The following SLC8A1 variants were observed in gnomAD, a reference collection of about 807,000 sequenced individuals.
The protein encoded by SLC8A1 is solute carrier family 8 member A1, also known as sodium/calcium exchanger 1.
SLC8A1 carries 18 observed loss-of-function variants against 68.3 expected under a neutral mutation model. That is an observed-to-expected ratio of 0.26 (90% CI 0.18 to 0.39). The LOEUF (loss-of-function observed/expected upper bound fraction) is 0.39, where lower values mean the gene tolerates loss of function less well. Ranked by LOEUF, SLC8A1 falls within the 10% of genes least tolerant of loss-of-function variation. The pLI is 1.00. For missense variants in SLC8A1, 985 were observed against 1,156.7 expected (o/e 0.85, Z 2.15); for synonymous variants, 475 against 415.5 (o/e 1.14, Z -1.74).
intron 2 of SLC8A1, among the ~76,000 whole-genome samples, chr2:40,192,991 A>G (rs1217744616): frequency 6.6e-6 from 1 of 152,114 alleles, no homozygotes; most frequent in Non-Finnish European, 1.5e-5. Flanking sequence ...AGCATTAAGT[A>G]TGTGTGCATT....
chr2:40,202,835 G>C (rs926840829), intron 2 of SLC8A1, among the ~76,000 whole-genome samples: 1 of 152,010 alleles, frequency 6.6e-6, no homozygotes, highest in Non-Finnish European at 1.5e-5. Context: ...GCAAGCATGT[G>C]TTCATAGCTA....
chr2:40,299,514 C>T (rs897113095), intron 2 of SLC8A1, among the ~76,000 whole-genome samples: 3 of 140,124 alleles, frequency 2.1e-5, no homozygotes, highest in Admixed American at 7.2e-5. Flanking sequence ...CTGGATGTGA[C>T]GTTAGGAAGG....
intron 1 of SLC8A1, among the ~76,000 whole-genome samples, chr2:40,485,610 T>G (rs1040198441): frequency 1.4e-4 from 22 of 152,272 alleles, no homozygotes; most frequent in Middle Eastern, 3.4e-3. Context: ...ATCATTGTGG[T>G]CATTTTGCTC....
intron 2 of SLC8A1, among the ~76,000 whole-genome samples, chr2:40,178,854 G>C (rs1040067111): frequency 1.3e-5 from 2 of 152,148 alleles, no homozygotes; most frequent in African/African-American, 4.8e-5. Flanking sequence ...GATTGTCTAA[G>C]CTATGCCCTG....
At chr2:40,456,622 T>C (rs187705526), upstream of SLC8A1, among the ~76,000 whole-genome samples, 21 of 152,336 alleles carry the variant, frequency 1.4e-4, no homozygotes, top group East Asian at 2.3e-3. Flanking sequence ...TTGGAAAACA[T>C]GGATCATAAA....
intron 2 of SLC8A1, among the ~76,000 whole-genome samples, chr2:40,358,079 G>A (rs1053617778): frequency 6.7e-6 from 1 of 149,692 alleles, no homozygotes; most frequent in African/African-American, 2.5e-5. Context: ...AAAGGTGGCG[G>A]TGCTGGTGGT....
chr2:40,333,662 A>G (rs1222358551), intron 2 of SLC8A1, among the ~76,000 whole-genome samples: 1 of 152,144 alleles, frequency 6.6e-6, no homozygotes, highest in Non-Finnish European at 1.5e-5. Context: ...AAGAATAAAT[A>G]AAACAATTTC....
intron 1 of SLC8A1, among the ~76,000 whole-genome samples, chr2:40,460,056 G>T (rs1452203366): frequency 6.6e-6 from 1 of 152,086 alleles, no homozygotes; most frequent in Non-Finnish European, 1.5e-5. Flanking sequence ...GCAGAGTCTT[G>T]TATACTTCTT....
intron 2 of SLC8A1, among the ~76,000 whole-genome samples, chr2:40,330,106 T>C (rs1257162335): frequency 4.6e-5 from 7 of 152,224 alleles, no homozygotes; most frequent in African/African-American, 2.4e-5. Context: ...AAATGAATTT[T>C]AAATAATATT....
chr2:40,420,085 G>C (rs1695055720), intron 2 of SLC8A1, among the ~76,000 whole-genome samples: 1 of 152,000 alleles, frequency 6.6e-6, no homozygotes. Context: ...CCTCCAGAGA[G>C]GATTCAGAAA....
intron 5 of SLC8A1, among the ~76,000 whole-genome samples, chr2:40,162,870 C>T (rs1247207138): frequency 6.6e-6 from 1 of 152,116 alleles, no homozygotes; most frequent in Non-Finnish European, 1.5e-5. Flanking sequence ...GTGGGTAAAG[C>T]AGAGTGGGCC....
intron 1 of SLC8A1, among the ~76,000 whole-genome samples, chr2:40,497,172 T>C (rs1705767436): frequency 6.6e-6 from 1 of 152,004 alleles, no homozygotes; most frequent in Non-Finnish European, 1.5e-5. Flanking sequence ...TGGAGTTAAA[T>C]AAAGAAGGGA....
At chr2:40,183,989 CT>C (rs2050139255) in intron 2 of SLC8A1, among the ~76,000 whole-genome samples, 1 of 152,050 alleles carries the variant, frequency 6.6e-6, no homozygotes, top group South Asian at 2.1e-4. Context: ...GACCCTGTTT[CT>C]ACGAAAAATC....
At chr2:40,367,411 A>G (rs1246141902) in intron 2 of SLC8A1, among the ~76,000 whole-genome samples, 1 of 152,016 alleles carries the variant, frequency 6.6e-6, no homozygotes, top group Non-Finnish European at 1.5e-5. Flanking sequence ...CTCTGCATCC[A>G]TGGTATCGCT....
chr2:40,452,923 T>C (rs1702731469), upstream of SLC8A1, among the ~76,000 whole-genome samples: 1 of 152,050 alleles, frequency 6.6e-6, no homozygotes, highest in African/African-American at 2.4e-5. Flanking sequence ...AGCATTAAGG[T>C]TGAGTGGGAA....
At chr2:40,341,296 G>A (rs1667617132) in intron 2 of SLC8A1, among the ~76,000 whole-genome samples, 1 of 152,104 alleles carries the variant, frequency 6.6e-6, no homozygotes, top group Non-Finnish European at 1.5e-5. Flanking sequence ...TCTCAAATTT[G>A]GATAAGTAAG....
intron 2 of SLC8A1, among the ~76,000 whole-genome samples, chr2:40,414,682 T>G (rs894435683): frequency 8.5e-5 from 13 of 152,170 alleles, no homozygotes; most frequent in Admixed American, 8.5e-4. Context: ...TTAGGTACTT[T>G]TTCAATAACT....
At chr2:40,491,805 C>A (rs1184923976) in intron 1 of SLC8A1, among the ~76,000 whole-genome samples, 1 of 151,976 alleles carries the variant, frequency 6.6e-6, no homozygotes, top group Non-Finnish European at 1.5e-5. Context: ...TATATTGAAC[C>A]AGCCTTGCAT....
At chr2:40,301,335 G>A (rs576446098) in intron 2 of SLC8A1, among the ~76,000 whole-genome samples, 1 of 152,324 alleles carries the variant, frequency 6.6e-6, no homozygotes, top group Admixed American at 6.5e-5. Context: ...AAAGCTGTTA[G>A]TGGCTAAGTT....
Sources: allele counts gnomAD v4.1 joint callset (sites outside exome capture counted in the v4.1 genomes callset), GRCh38; gene constraint gnomAD v4.1.1; transcripts MANE v1.5; gene names NCBI Gene and HGNC (gene_info 2026-07-23, HGNC 2026-07-21).